TGFBR3: variants seen among roughly 807,000 people sequenced by gnomAD.
TGFBR3 encodes the protein transforming growth factor beta receptor type 3.
Under a neutral mutation model 87.9 loss-of-function variants are expected in TGFBR3, and 46 were observed. The observed-to-expected ratio is 0.52, with a 90% CI of 0.41 to 0.67. The LOEUF is 0.67. TGFBR3 is among the 30% of genes least tolerant of loss of function. The pLI is 0.00. For missense variants in TGFBR3, 866 were observed against 1,041.9 expected (o/e 0.83, Z 2.32); for synonymous variants, 381 against 391.6 (o/e 0.97, Z 0.32).
intron 1 of TGFBR3, among the ~76,000 whole-genome samples, chr1:91,865,202 CAAAA>C (rs67134125): frequency 4.8e-5 from 5 of 105,248 alleles, no homozygotes; most frequent in African/African-American, 7.5e-5. Context: ...GACTCCATCT[CAAAA>C]AAAAAAAAAA....
intron 2 of TGFBR3, among the ~76,000 whole-genome samples, chr1:91,828,168 T>C (rs1384267782): frequency 6.6e-6 from 1 of 152,182 alleles, no homozygotes; most frequent in Non-Finnish European, 1.5e-5. Context: ...ATGATCGCTA[T>C]AGAATAAACC....
At chr1:91,831,208 T>C (rs1201700953) in intron 2 of TGFBR3, among the ~76,000 whole-genome samples, 1 of 152,094 alleles carries the variant, frequency 6.6e-6, no homozygotes, top group East Asian at 1.9e-4. Context: ...AGGTAGATCA[T>C]TTCAGACAAA....
intron 16 of TGFBR3, among the ~76,000 whole-genome samples, chr1:91,692,320 G>A (rs1003100480): frequency 6.6e-6 from 1 of 152,128 alleles, no homozygotes; most frequent in South Asian, 2.1e-4. Context: ...ACATCCAAAA[G>A]GATGAGCTAA....
intron 3 of TGFBR3, among the ~76,000 whole-genome samples, chr1:91,781,245 C>T (rs1297778925): frequency 6.6e-6 from 1 of 152,088 alleles, no homozygotes; most frequent in African/African-American, 2.4e-5. Flanking sequence ...TACTCAGCAG[C>T]AAAAAGGAGT....
intron 12 of TGFBR3, 38 bp from the exon 13 acceptor site, chr1:91,712,580 A>G (rs1479297679): frequency 6.2e-7 from 1 of 1,604,960 alleles, no homozygotes. Context: ...GAAATGAGTT[A>G]GCATCTCACT....
At position 91,708,802 on chromosome 1, in the gene TGFBR3, A is replaced by T; in HGVS notation, c.2167-19T>A. On this transcript the variant is annotated intron_variant, in intron 13 of 16. Transcript: ENST00000212355. ...GCACACACTGCAGACAGGCAGAACA[A>T]AGCACAGAATCAGGGGCCACTCAAA... The T allele has an allele frequency of 6.2e-7, 1 of 1,613,268 alleles. No individual in the cohort carries two copies. Among genetic ancestry groups the T allele is most frequent in the Non-Finnish European group, 8.5e-7 (1 of 1,179,810 alleles).
At chr1:91,745,726 C>A (rs543943764) in intron 4 of TGFBR3, among the ~76,000 whole-genome samples, 2 of 152,324 alleles carry the variant, frequency 1.3e-5, no homozygotes, top group South Asian at 4.1e-4. Context: ...ATGTGAAATG[C>A]AATCCGAAAC....
At chr1:91,700,749 CAAT>C (rs1403779405) in intron 14 of TGFBR3, among the ~76,000 whole-genome samples, 7 of 152,178 alleles carry the variant, frequency 4.6e-5, no homozygotes, top group Non-Finnish European at 1.0e-4. Flanking sequence ...CCAATAACAA[CAAT>C]GATGCCTTAC....
chr1:91,707,805 A>C (rs917310280), intron 14 of TGFBR3, among the ~76,000 whole-genome samples: 7 of 152,182 alleles, frequency 4.6e-5, no homozygotes, highest in Admixed American at 4.6e-4. Context: ...CCCATGTGAC[A>C]TTTGGTTCCA....
intron 2 of TGFBR3, among the ~76,000 whole-genome samples, chr1:91,834,740 G>T (rs111284057): frequency 6.6e-6 from 1 of 152,110 alleles, no homozygotes; most frequent in Admixed American, 6.5e-5. Flanking sequence ...GTGCAATGGC[G>T]CAATCTTGGC....
chr1:91,895,738 G>A (rs1387595050), intron 2 of TGFBR3, among the ~76,000 whole-genome samples: 1 of 151,860 alleles, frequency 6.6e-6, no homozygotes, highest in African/African-American at 2.4e-5. Flanking sequence ...TCTCAATATC[G>A]CCACTTGATT....
At position 91,753,390 on chromosome 1, in the gene TGFBR3, CAAAAAAAAAAAAA is replaced by C. The variant is rs71586711; in HGVS notation, c.384+5210_384+5222del. 4.0e-3 allele frequency among the ~76,000 whole-genome samples: 208 copies of C among 52,362 alleles called. 2 individuals are homozygous for C. The highest frequency in any genetic ancestry group is 0.018 in the African/African-American group (198 of 11,280). 34.4% of individuals were successfully genotyped at this position (52,362 alleles called of 152,430 possible). On this transcript the variant is annotated intron_variant, in intron 4 of 16. Coordinates refer to ENST00000212355, the MANE Select transcript of TGFBR3 (RefSeq NM_003243.5). ...GAGTAAGGGAGTGAGACTCTGTCCT[CAAAAAAAAAAAAA>C]AAAAAAAAAAAAAAAGTGCTGCAGC...
chr1:91,767,914 T>C (rs1674235299), intron 3 of TGFBR3, among the ~76,000 whole-genome samples: 1 of 150,670 alleles, frequency 6.6e-6, no homozygotes, highest in African/African-American at 2.4e-5. Context: ...CCATGCTCTT[T>C]AAGATGACTT....
At chr1:91,799,632 T>C (rs190854575) in intron 2 of TGFBR3, among the ~76,000 whole-genome samples, 1 of 152,322 alleles carries the variant, frequency 6.6e-6, no homozygotes, top group East Asian at 1.9e-4. Flanking sequence ...TTTACAATTA[T>C]CACAAATTAA....
chr1:91,760,405 G>A (rs770526011), intron 3 of TGFBR3, among the ~76,000 whole-genome samples: 2 of 152,184 alleles, frequency 1.3e-5, no homozygotes, highest in African/African-American at 2.4e-5. Flanking sequence ...TACAGAGTGA[G>A]ACTCTGTTTC....
intron 3 of TGFBR3, among the ~76,000 whole-genome samples, chr1:91,795,297 G>C (rs551560051): frequency 1.3e-5 from 2 of 152,046 alleles, no homozygotes; most frequent in African/African-American, 4.8e-5. Flanking sequence ...TACTAATATC[G>C]AAAGAGAATA....
chr1:91,716,432 A>T, intron 11 of TGFBR3, 38 bp from the exon 12 acceptor site: 1 of 1,614,160 alleles, frequency 6.2e-7, no homozygotes, highest in Non-Finnish European at 8.5e-7. Context: ...AATGACAGTC[A>T]TATGAAGGAT....
chr1:91,690,322 T>C (rs1671223837), intron 16 of TGFBR3, among the ~76,000 whole-genome samples: 1 of 151,960 alleles, frequency 6.6e-6, no homozygotes, highest in Non-Finnish European at 1.5e-5. Flanking sequence ...TTTACTCTCT[T>C]AAGAGGAGGA....
At chr1:91,855,812 T>G (rs1677917881) in intron 2 of TGFBR3, among the ~76,000 whole-genome samples, 1 of 152,216 alleles carries the variant, frequency 6.6e-6, no homozygotes, top group South Asian at 2.1e-4. Flanking sequence ...ATTAGGTAGC[T>G]TACAGGATCT....
Sources: gnomAD v4.1 joint callset for allele counts (sites outside exome capture counted in the v4.1 genomes callset) on GRCh38, gnomAD v4.1.1 for gene constraint, MANE v1.5 for transcripts, NCBI Gene and HGNC (gene_info 2026-07-23, HGNC 2026-07-21) for gene names.